The following LRRIQ3 variants were observed in gnomAD, a reference collection of about 807,000 sequenced individuals.
LRRIQ3 encodes the protein leucine-rich repeat and IQ domain-containing protein 3.
In LRRIQ3, 75 loss-of-function variants were observed where a neutral mutation model predicts 59.3. The observed-to-expected ratio is 1.26, with a 90% CI of 1.05 to 1.53. The LOEUF is 1.53. LRRIQ3 is among the 40% of genes most tolerant of loss of function. The pLI, the probability that LRRIQ3 is intolerant of heterozygous loss-of-function variation, is 0.00. For synonymous variants in LRRIQ3, 250 were observed against 231.3 expected, an observed-to-expected ratio of 1.08 and a Z score of -0.73; for missense variants, 831 against 710.0, an observed-to-expected ratio of 1.17 and a Z score of -1.94.
At chr1:74,071,382 A>T (rs1655024969) in intron 6 of LRRIQ3, among the ~76,000 whole-genome samples, 1 of 152,118 alleles carries the variant, frequency 6.6e-6, no homozygotes, top group South Asian at 2.1e-4. Context: ...TGTTCCCTGG[A>T]AAATGTCAAT....
intron 7 of LRRIQ3, among the ~76,000 whole-genome samples, chr1:74,029,612 G>T (rs903229011): frequency 6.6e-5 from 10 of 152,060 alleles, no homozygotes; most frequent in Non-Finnish European, 1.0e-4. Flanking sequence ...GTATTTTATT[G>T]AGGATTTTTG....
At chr1:74,139,797 T>C (rs1483813713) in intron 4 of LRRIQ3, among the ~76,000 whole-genome samples, 3 of 151,924 alleles carry the variant, frequency 2.0e-5, no homozygotes, top group African/African-American at 7.2e-5. Context: ...GAAAAGGAGA[T>C]ATAATGAAAA....
intron 4 of LRRIQ3, among the ~76,000 whole-genome samples, chr1:74,112,326 A>G (rs999008611): frequency 1.3e-5 from 2 of 152,168 alleles, no homozygotes; most frequent in African/African-American, 4.8e-5. Flanking sequence ...AGGCACTGTT[A>G]AAGACAGTAG....
At chr1:74,052,784 T>C (rs1015876826) in intron 6 of LRRIQ3, among the ~76,000 whole-genome samples, 1 of 152,140 alleles carries the variant, frequency 6.6e-6, no homozygotes, top group Non-Finnish European at 1.5e-5. Context: ...GCAGTTCCTT[T>C]TTTTCATAAT....
At chr1:74,075,862 C>T (rs1387897349) in intron 5 of LRRIQ3, among the ~76,000 whole-genome samples, 1 of 152,130 alleles carries the variant, frequency 6.6e-6, no homozygotes, top group East Asian at 1.9e-4. Flanking sequence ...GTGAAAATAG[C>T]TACTAGAGCT....
intron 6 of LRRIQ3, among the ~76,000 whole-genome samples, chr1:74,070,483 A>G (rs1391024260): frequency 6.6e-6 from 1 of 151,998 alleles, no homozygotes; most frequent in Admixed American, 6.6e-5. Context: ...TGGAGAGTGG[A>G]GGGAGGCAAG....
chr1:74,166,711 C>T (rs1557649600), intron 3 of LRRIQ3, among the ~76,000 whole-genome samples: 1 of 151,784 alleles, frequency 6.6e-6, no homozygotes, highest in Non-Finnish European at 1.5e-5. Context: ...TGTCCCACAA[C>T]TTTTAAAACT....
chr1:74,075,581 AG>A (rs1211058275), intron 5 of LRRIQ3, among the ~76,000 whole-genome samples: 1 of 152,006 alleles, frequency 6.6e-6, no homozygotes, highest in Non-Finnish European at 1.5e-5. Flanking sequence ...AAAAAAAAAA[AG>A]AAAAGAAAAA....
chr1:74,064,652 A>G (rs529405914), intron 6 of LRRIQ3, among the ~76,000 whole-genome samples: 24 of 152,058 alleles, frequency 1.6e-4, no homozygotes, highest in African/African-American at 5.5e-4. Flanking sequence ...TTTCACCTTC[A>G]TTCATCTGGA....
At chr1:74,158,983 A>G (rs1648506592) in intron 3 of LRRIQ3, among the ~76,000 whole-genome samples, 1 of 152,122 alleles carries the variant, frequency 6.6e-6, no homozygotes, top group Non-Finnish European at 1.5e-5. Flanking sequence ...TCCCTTTAAC[A>G]GCCCCTCTTA....
chr1:74,144,293 A>G (rs1647413268), intron 4 of LRRIQ3: 1 of 184,410 alleles, frequency 5.4e-6, no homozygotes, highest in South Asian at 1.0e-4. Context: ...GGATATCCAC[A>G]TATCAAATAC....
At chr1:74,169,558 C>T (rs1461247571) in intron 3 of LRRIQ3, among the ~76,000 whole-genome samples, 1 of 151,806 alleles carries the variant, frequency 6.6e-6, no homozygotes, top group Non-Finnish European at 1.5e-5. Context: ...TTCTCCAACA[C>T]TTTTTTTTAA....
chr1:74,037,892 G>A (rs547680033), intron 7 of LRRIQ3, among the ~76,000 whole-genome samples: 10 of 152,246 alleles, frequency 6.6e-5, no homozygotes, highest in East Asian at 1.9e-4. Context: ...CCATGCCACC[G>A]GGAAGCCATG....
At chr1:74,127,883 T>G (rs1646959161) in intron 4 of LRRIQ3, among the ~76,000 whole-genome samples, 1 of 152,006 alleles carries the variant, frequency 6.6e-6, no homozygotes, top group South Asian at 2.1e-4. Flanking sequence ...AAGTACTCCT[T>G]TTAGCAGTTC....
intron 1 of LRRIQ3, among the ~76,000 whole-genome samples, chr1:74,185,734 G>C (rs1352412846): frequency 1.3e-5 from 2 of 151,848 alleles, no homozygotes; most frequent in African/African-American, 4.8e-5. Context: ...ACCAGGTCAG[G>C]AGATCAAGAC....
At chr1:74,189,238 T>TA (rs1650599049) in intron 1 of LRRIQ3, among the ~76,000 whole-genome samples, 1 of 152,142 alleles carries the variant, frequency 6.6e-6, no homozygotes, top group South Asian at 2.1e-4. Context: ...TCTACATGCT[T>TA]AAGGGCTCCC....
chr1:74,073,269 T>A (rs927058820), intron 6 of LRRIQ3, among the ~76,000 whole-genome samples: 2 of 152,048 alleles, frequency 1.3e-5, no homozygotes, highest in Non-Finnish European at 2.9e-5. Flanking sequence ...TCCCAGCACT[T>A]TGGGAGGCCG....
chr1:74,187,256 T>C (rs542684714), intron 1 of LRRIQ3, among the ~76,000 whole-genome samples: 2 of 151,724 alleles, frequency 1.3e-5, no homozygotes, highest in Non-Finnish European at 2.9e-5. Flanking sequence ...AACTCACAAT[T>C]GCAAAGATAT....
intron 6 of LRRIQ3, among the ~76,000 whole-genome samples, chr1:74,066,504 G>A (rs1186196640): frequency 6.9e-6 from 1 of 144,346 alleles, no homozygotes; most frequent in Non-Finnish European, 1.6e-5. Context: ...ATGGGTATAT[G>A]AGGTCTAATA....
Sources: gnomAD v4.1 joint callset for allele counts (sites outside exome capture counted in the v4.1 genomes callset) on GRCh38, gnomAD v4.1.1 for gene constraint, MANE v1.5 for transcripts, NCBI Gene and HGNC (gene_info 2026-07-23, HGNC 2026-07-21) for gene names.